Variants in ZNF800 observed in about 807,000 individuals in gnomAD.
ZNF800 encodes zinc finger protein 800.
ZNF800 carries 13 observed loss-of-function variants against 59.5 expected under a neutral mutation model. The observed-to-expected ratio is 0.22, with a 90% CI of 0.14 to 0.35. The LOEUF (loss-of-function observed/expected upper bound fraction) is 0.35, where lower values mean the gene tolerates loss of function less well. ZNF800 is among the 10% of genes least tolerant of loss of function. The probability of loss-of-function intolerance (pLI) is 1.00; values close to 1 mark genes in which losing one functional copy is unlikely to be tolerated. For synonymous variants in ZNF800, 266 were observed against 265.7 expected, an observed-to-expected ratio of 1.00 and a Z score of -0.01; for missense variants, 621 against 783.7, an observed-to-expected ratio of 0.79 and a Z score of 2.48.
chr7:127,373,110 T>A, intron 5 of ZNF800: 1 of 985,430 alleles, frequency 1.0e-6, no homozygotes, highest in Non-Finnish European at 1.2e-6. Context: ...ACAACTACAT[T>A]GCATTGTCCT....
intron 2 of ZNF800, 39 bp downstream of exon 2, chr7:127,391,458 G>A (rs1801312287): frequency 6.2e-7 from 1 of 1,602,762 alleles, no homozygotes; most frequent in African/African-American, 1.3e-5. Flanking sequence ...GAGTGGCTCT[G>A]ATGGAGGGCA....
chr7:127,386,162 G>A lies in ZNF800; in HGVS notation c.62-7C>T, dbSNP rs1801133925. The A allele has an allele frequency of 6.3e-7, 1 of 1,589,846 alleles. No individual in the cohort carries two copies. The highest frequency in any genetic ancestry group is 8.6e-7 in the Non-Finnish European group (1 of 1,160,276). ...CCAGGTTCCAGGATATAAACTACAT[G>A]GAAGACAAACACCCACCCCAATCCC... On this transcript the variant is annotated splice_polypyrimidine_tract_variant and splice_region_variant and intron_variant, in intron 2 of 5. Transcript: ENST00000265827.
intron 2 of ZNF800, among the ~76,000 whole-genome samples, chr7:127,389,241 C>G (rs17866107): frequency 6.6e-6 from 1 of 152,068 alleles, no homozygotes; most frequent in African/African-American, 2.4e-5. Context: ...CATGTAACAA[C>G]TGATGGAGTT....
chr7:127,344,761 A>T (rs1237840194), downstream of ZNF800, among the ~76,000 whole-genome samples: 3 of 152,172 alleles, frequency 2.0e-5, no homozygotes, highest in Admixed American at 2.0e-4. Context: ...TTAAAACAGT[A>T]GAAAAGTGAG....
At chr7:127,385,831 TAAAC>T (rs1801124190) in intron 3 of ZNF800, among the ~76,000 whole-genome samples, 1 of 152,124 alleles carries the variant, frequency 6.6e-6, no homozygotes, top group Non-Finnish European at 1.5e-5. Flanking sequence ...TAAATCATAC[TAAAC>T]AAATTTATTT....
chr7:127,355,634 T>C (rs1800255987), intron 1 of ZNF800, among the ~76,000 whole-genome samples: 1 of 152,094 alleles, frequency 6.6e-6, no homozygotes, highest in Non-Finnish European at 1.5e-5. Flanking sequence ...GAGTCAGTTC[T>C]AGTAGGATGG....
intron 5 of ZNF800, chr7:127,372,800 T>C (rs1800668786): frequency 1.0e-6 from 1 of 985,292 alleles, no homozygotes; most frequent in South Asian, 4.7e-5. Flanking sequence ...GCTAATCATT[T>C]TTAATTCAAT....
chr7:127,353,891 T>C (rs981496474), intron 1 of ZNF800, among the ~76,000 whole-genome samples: 1 of 152,034 alleles, frequency 6.6e-6, no homozygotes, highest in South Asian at 2.1e-4. Flanking sequence ...TGTATTTTTA[T>C]ATAGATGATC....
intron 5 of ZNF800, 42 bp downstream of exon 5, chr7:127,373,300 C>G: frequency 6.6e-7 from 1 of 1,524,464 alleles, no homozygotes; most frequent in Non-Finnish European, 8.8e-7. Context: ...TTTTTTAGTT[C>G]GATGGGGGGA....
At chr7:127,359,609 T>G (rs1047928919) in intron 1 of ZNF800, among the ~76,000 whole-genome samples, 9 of 151,860 alleles carry the variant, frequency 5.9e-5, no homozygotes, top group Admixed American at 2.6e-4. Flanking sequence ...ATCTTCAGAG[T>G]TGAGTGTTAT....
At chr7:127,348,372 C>A (rs1800108833) in intron 1 of ZNF800, among the ~76,000 whole-genome samples, 1 of 144,682 alleles carries the variant, frequency 6.9e-6, no homozygotes, top group Non-Finnish European at 1.5e-5. Context: ...ACAAACTTTT[C>A]ATACAGGGTG....
At position 127,392,437 on chromosome 7, in the gene ZNF800, C is replaced by T; in HGVS notation, c.-436G>A. 1 of 374,416 alleles carries T rather than the reference C, an allele frequency of 2.7e-6. No homozygotes were observed. The highest frequency in any genetic ancestry group is 4.7e-6 in the Non-Finnish European group (1 of 210,742). 23.2% of individuals were successfully genotyped at this position (374,416 alleles called of 1,614,324 possible). On this transcript the variant is annotated 5_prime_UTR_variant, in exon 1 of 6. Coordinates refer to ENST00000265827, the MANE Select transcript of ZNF800 (RefSeq NM_176814.5). ...AGCGGGCAGGACCTGAGGCTTCCCT[C>T]GCCGGGGCAACGGCTGCCGCCGCAA... is the stretch of plus-strand genomic sequence containing the variant.
chr7:127,362,339 T>C (rs959313657), intron 1 of ZNF800: 2 of 152,142 alleles, frequency 1.3e-5, no homozygotes, highest in African/African-American at 2.4e-5. Flanking sequence ...GTGCCCTCAC[T>C]GAAGTGTCAG....
Position 127,377,428 on chromosome 7 carries a change from C to G in ZNF800, c.158-99G>C. ...TGTTGACAGACCAAAAGTGCAGTTACTCTTTGAAAACAAAATATAGGCATT... is the reference window on the plus strand; with the variant it reads ...TGTTGACAGACCAAAAGTGCAGTTAGTCTTTGAAAACAAAATATAGGCATT... On this transcript the variant is annotated intron_variant, in intron 3 of 5. Coordinates refer to ENST00000265827, the MANE Select transcript of ZNF800 (RefSeq NM_176814.5). This position sits in a 1 kb window ranked among gnomAD's most constrained non-coding sequence, Gnocchi z 4.7. 2 of 987,636 alleles carry G rather than the reference C, an allele frequency of 2.0e-6. No homozygotes were observed. Among genetic ancestry groups the G allele is most frequent in the South Asian group, 3.8e-5 (2 of 52,472 alleles). The allele number at this position is 987,636 out of a possible 1,614,324, so 61.2% of individuals were successfully genotyped here. A position where few individuals can be genotyped will look rare whatever the true frequency, so the allele number is the denominator to read the frequency against.
chr7:127,343,537 G>T (rs1328827515), downstream of ZNF800, among the ~76,000 whole-genome samples: 1 of 151,944 alleles, frequency 6.6e-6, no homozygotes, highest in Non-Finnish European at 1.5e-5. Flanking sequence ...TCAGAGAATT[G>T]TCTTCTACTC....
At chr7:127,349,381 A>G (rs1371710444) in intron 1 of ZNF800, among the ~76,000 whole-genome samples, 6 of 152,200 alleles carry the variant, frequency 3.9e-5, no homozygotes, top group Admixed American at 3.9e-4. Flanking sequence ...GTGATAATAA[A>G]ATTATAATAA....
intron 3 of ZNF800, among the ~76,000 whole-genome samples, chr7:127,385,137 T>C (rs1801098984): frequency 6.6e-6 from 1 of 152,204 alleles, no homozygotes; most frequent in Non-Finnish European, 1.5e-5. Context: ...ACTCAAAAAA[T>C]CTCATCAATA....
chr7:127,376,733 A>G (rs1800796966), intron 4 of ZNF800, among the ~76,000 whole-genome samples: 1 of 151,972 alleles, frequency 6.6e-6, no homozygotes, highest in Admixed American at 6.6e-5. Context: ...GAAATGAACA[A>G]ATTTACCTCA....
At chr7:127,389,752 A>T (rs1212398549) in intron 2 of ZNF800, among the ~76,000 whole-genome samples, 1 of 152,202 alleles carries the variant, frequency 6.6e-6, no homozygotes, top group African/African-American at 2.4e-5. Context: ...GCATGGAAAA[A>T]GTTTCTAGTA....
Sources: allele counts gnomAD v4.1 joint callset (sites outside exome capture counted in the v4.1 genomes callset), GRCh38; gene constraint gnomAD v4.1.1; non-coding constraint Gnocchi (gnomAD v3.1); transcripts MANE v1.5; gene names NCBI Gene and HGNC (gene_info 2026-07-23, HGNC 2026-07-21).